Variants in RAB31 observed in about 807,000 individuals in gnomAD.
The protein encoded by RAB31 is ras-related protein Rab-31.
In RAB31, 21 loss-of-function variants were observed where a neutral mutation model predicts 25.6. The ratio of observed to expected loss-of-function variants is 0.82; its 90% CI spans 0.58 to 1.18. The LOEUF (loss-of-function observed/expected upper bound fraction) is 1.18, where lower values mean the gene tolerates loss of function less well. Among genes scored for constraint, RAB31 ranks in the 50% most tolerant of loss-of-function variants. The pLI, the probability that RAB31 is intolerant of heterozygous loss-of-function variation, is 0.00. For missense variants in RAB31, 196 were observed against 250.1 expected, an observed-to-expected ratio of 0.78 and a Z score of 1.46; for synonymous variants, 87 against 84.0, an observed-to-expected ratio of 1.04 and a Z score of -0.20.
rs16955688 is a variant in RAB31, at chr18:9,813,134, C to T, written c.202-886C>T. On this transcript the variant is annotated intron_variant, in intron 3 of 6. Coordinates refer to ENST00000578921, the MANE Select transcript of RAB31 (RefSeq NM_006868.4). ...TGAACGATGCTAGTGACCAGCAGCA[C>T]TTGCTTTGTTAACATTTTGGAATGG... Among the ~76,000 whole-genome samples the T allele has an allele frequency of 7.9e-3, 1,211 of 152,328 alleles. 14 individuals carry two copies. The highest frequency in any genetic ancestry group is 0.028 in the African/African-American group (1,149 of 41,566).
chr18:9,766,316 C>T lies in RAB31; in HGVS notation c.40-8962C>T. 6.6e-6 allele frequency among the ~76,000 whole-genome samples: 1 copy of T among 152,212 alleles called. No individual in the cohort carries two copies. The highest frequency in any genetic ancestry group is 1.9e-4 in the East Asian group (1 of 5,166). On this transcript the variant is annotated intron_variant, in intron 1 of 6. Coordinates refer to ENST00000578921, the MANE Select transcript of RAB31 (RefSeq NM_006868.4). This position sits in a 1 kb window ranked among gnomAD's most constrained non-coding sequence, Gnocchi z 4.3. ...GTGACCTCATCTCTGCATCTGCGAG[C>T]TCCATCTGCCCCCGGAGTGGGTGAG...
chr18:9,737,010 A>G (rs2068154431), intron 1 of RAB31, among the ~76,000 whole-genome samples: 2 of 152,136 alleles, frequency 1.3e-5, no homozygotes, highest in South Asian at 4.1e-4. Context: ...GCACTTATAA[A>G]TGTTTTATGT....
At chr18:9,836,046 G>C (rs1278241553) in intron 5 of RAB31, among the ~76,000 whole-genome samples, 3 of 151,798 alleles carry the variant, frequency 2.0e-5, no homozygotes, top group African/African-American at 7.3e-5. Flanking sequence ...CCTTGCTTTT[G>C]GCTGCAATAC....
chr18:9,772,139 C>CT (rs2068348465), intron 1 of RAB31, among the ~76,000 whole-genome samples: 1 of 152,082 alleles, frequency 6.6e-6, no homozygotes, highest in South Asian at 2.1e-4. Context: ...TGCTTTGAGA[C>CT]TTGTGTCCAT....
intron 3 of RAB31, among the ~76,000 whole-genome samples, chr18:9,802,769 C>T (rs1456200420): frequency 2.0e-5 from 3 of 152,208 alleles, no homozygotes; most frequent in Non-Finnish European, 4.4e-5. Flanking sequence ...TGCGGAATCG[C>T]TGGGTCTGAA....
intron 5 of RAB31, among the ~76,000 whole-genome samples, chr18:9,818,499 G>A (rs1182204982): frequency 1.3e-5 from 2 of 152,068 alleles, no homozygotes; most frequent in Non-Finnish European, 2.9e-5. Context: ...TCTTCTTTCA[G>A]TTAAGCAAAT....
chr18:9,763,901 G>T (rs1395777981), intron 1 of RAB31, among the ~76,000 whole-genome samples: 1 of 152,102 alleles, frequency 6.6e-6, no homozygotes, highest in East Asian at 1.9e-4. Flanking sequence ...GTTCACCAAA[G>T]CTCTTACAGT....
intron 5 of RAB31, among the ~76,000 whole-genome samples, chr18:9,833,534 T>C (rs1226810918): frequency 6.6e-6 from 1 of 152,214 alleles, no homozygotes; most frequent in Non-Finnish European, 1.5e-5. Flanking sequence ...CTCTTGTTAG[T>C]TTAGTTCATT....
chr18:9,794,698 C>T (rs893073930), intron 3 of RAB31, among the ~76,000 whole-genome samples: 1 of 151,902 alleles, frequency 6.6e-6, no homozygotes, highest in African/African-American at 2.4e-5. Flanking sequence ...ACCTGTAGTC[C>T]CAACTACTTG....
intron 1 of RAB31, among the ~76,000 whole-genome samples, chr18:9,756,519 G>A (rs1297544345): frequency 6.7e-6 from 1 of 148,582 alleles, no homozygotes; most frequent in Non-Finnish European, 1.5e-5. Context: ...TGGCTTGGCA[G>A]TCGGCAAAGC....
intron 2 of RAB31, among the ~76,000 whole-genome samples, chr18:9,777,410 A>G (rs2068377646): frequency 6.6e-6 from 1 of 152,218 alleles, no homozygotes; most frequent in African/African-American, 2.4e-5. Context: ...CTCAACATGT[A>G]CAAGCATCCT....
intron 1 of RAB31, among the ~76,000 whole-genome samples, chr18:9,755,091 C>A (rs1458094631): frequency 6.6e-6 from 1 of 152,082 alleles, no homozygotes; most frequent in Non-Finnish European, 1.5e-5. Flanking sequence ...GTAAGTCTGT[C>A]ATAGAATTAG....
At chr18:9,822,221 A>G (rs1599054052) in intron 5 of RAB31, among the ~76,000 whole-genome samples, 1 of 152,208 alleles carries the variant, frequency 6.6e-6, no homozygotes, top group African/African-American at 2.4e-5. Flanking sequence ...GAAGCAATTC[A>G]ACCAATGACC....
chr18:9,721,625 A>G (rs1157227269), intron 1 of RAB31, among the ~76,000 whole-genome samples: 1 of 152,022 alleles, frequency 6.6e-6, no homozygotes, highest in African/African-American at 2.4e-5. Flanking sequence ...AAAAAAAAAA[A>G]AAAAGAAATA....
chr18:9,814,068 A>C lies in RAB31; in HGVS notation c.250A>C (p.Ile84Leu). ...CTATCGAGGCTCAGCTGCAGCTGTT[A>C]TCGTGTATGATATTACCAAGCAGGT... ...MYYRGSAAAV[I>L]VYDITKQDSF... Residue 84 changes from isoleucine to leucine, a missense_variant, in exon 4 of 7, where the codon ATC becomes CTC. Ile to Leu is a conservative substitution (Grantham distance 5, BLOSUM62 2). Transcript: ENST00000578921. The C allele has an allele frequency of 6.3e-7, 1 of 1,588,992 alleles. No individual in the cohort carries two copies. Among genetic ancestry groups the C allele is most frequent in the Non-Finnish European group, 8.6e-7 (1 of 1,162,982 alleles).
intron 5 of RAB31, among the ~76,000 whole-genome samples, chr18:9,817,500 G>A (rs73387408): frequency 1.3e-3 from 203 of 152,200 alleles, no homozygotes; most frequent in African/African-American, 4.7e-3. Flanking sequence ...CATTCTCTTC[G>A]TTTCCAGTCT....
intron 3 of RAB31, among the ~76,000 whole-genome samples, chr18:9,798,844 C>T (rs1015119773): frequency 6.6e-6 from 1 of 151,860 alleles, no homozygotes; most frequent in Admixed American, 6.6e-5. Context: ...AATCCCAGCA[C>T]TTTGGGAGGC....
intron 1 of RAB31, among the ~76,000 whole-genome samples, chr18:9,763,814 A>G (rs1378801173): frequency 6.6e-6 from 1 of 152,042 alleles, no homozygotes; most frequent in Non-Finnish European, 1.5e-5. Context: ...CAATATTATT[A>G]TTTTGCTCAT....
In RAB31 at chr18:9,715,062, T is replaced by G. The variant is rs867889475; in HGVS notation, c.39+6618T>G. 3.3e-5 allele frequency among the ~76,000 whole-genome samples: 5 copies of G among 151,850 alleles called. No individual in the cohort carries two copies. The South Asian group carries it at 1.1e-3, about 32-fold the overall frequency. On this transcript the variant is annotated intron_variant, in intron 1 of 6. Transcript: ENST00000578921. ...GCAGGGATCTGGTCCCTGCCTGGGATGGAGAGGCTTCTGGTTGGTTCCTGT... is the reference window on the plus strand; with the variant it reads ...GCAGGGATCTGGTCCCTGCCTGGGAGGGAGAGGCTTCTGGTTGGTTCCTGT...
Sources: allele counts gnomAD v4.1 joint callset (sites outside exome capture counted in the v4.1 genomes callset), GRCh38; gene constraint gnomAD v4.1.1; non-coding constraint Gnocchi (gnomAD v3.1); transcripts MANE v1.5; gene names NCBI Gene and HGNC (gene_info 2026-07-23, HGNC 2026-07-21).